The following SPHKAP variants were observed in gnomAD, a reference collection of about 807,000 sequenced individuals.
The protein encoded by SPHKAP is A-kinase anchor protein SPHKAP.
SPHKAP carries 67 observed loss-of-function variants against 137.5 expected under a neutral mutation model. That is an observed-to-expected ratio of 0.49 (90% CI 0.40 to 0.60). The LOEUF (loss-of-function observed/expected upper bound fraction) is 0.60. SPHKAP is among the 20% of genes least tolerant of loss of function. The probability of loss-of-function intolerance (pLI) is 0.00; values close to 1 mark genes in which losing one functional copy is unlikely to be tolerated. For synonymous variants in SPHKAP, 813 were observed against 785.3 expected (o/e 1.04, Z -0.59); for missense variants, 2,097 against 2,069.3 (o/e 1.01, Z -0.26).
chr2:228,112,985 A>G (rs1052889291), intron 2 of SPHKAP, among the ~76,000 whole-genome samples: 1 of 152,124 alleles, frequency 6.6e-6, no homozygotes, highest in Admixed American at 6.6e-5. Flanking sequence ...TCTTTGCTTT[A>G]GAAGAAACGG....
chr2:228,148,000 A>T (rs776456302), intron 1 of SPHKAP, among the ~76,000 whole-genome samples: 6 of 152,188 alleles, frequency 3.9e-5, no homozygotes, highest in Non-Finnish European at 7.3e-5. Context: ...ACCTAGACGA[A>T]ACTGACTCCG....
chr2:228,098,817 T>A (rs1353870666), intron 3 of SPHKAP, among the ~76,000 whole-genome samples: 2 of 152,138 alleles, frequency 1.3e-5, no homozygotes, highest in Non-Finnish European at 2.9e-5. Context: ...TAATGGGGTT[T>A]TTTTTGCTTG....
At position 228,070,002 on chromosome 2, in the gene SPHKAP, C is replaced by T. The variant is rs184710120; in HGVS notation, c.246+38830G>A. Among the ~76,000 whole-genome samples, 37 of 152,236 alleles carry T rather than the reference C, an allele frequency of 2.4e-4. No homozygotes were observed. The South Asian group carries it at 5.2e-3, about 21-fold the overall frequency. ...GGCAAGCTTAGGTCAGATGCCTATG[C>T]GCTAGCTGGAAAAGGGGGACTTATC... On this transcript the variant is annotated intron_variant, in intron 3 of 11. Transcript: ENST00000392056.
At chr2:228,146,521 G>A (rs994469140) in intron 1 of SPHKAP, among the ~76,000 whole-genome samples, 1 of 152,066 alleles carries the variant, frequency 6.6e-6, no homozygotes, top group East Asian at 1.9e-4. Flanking sequence ...CATCACCCAG[G>A]TATTAAGCCC....
At chr2:228,001,377 A>T (rs1291957633) in intron 7 of SPHKAP, among the ~76,000 whole-genome samples, 1 of 143,484 alleles carries the variant, frequency 7.0e-6, no homozygotes, top group East Asian at 2.0e-4. Context: ...ACACATAAAT[A>T]TATATACACA....
At chr2:228,025,341 G>C in intron 5 of SPHKAP, 53 bp downstream of exon 5, 1 of 1,601,568 alleles carries the variant, frequency 6.2e-7, no homozygotes, top group Non-Finnish European at 8.5e-7. Flanking sequence ...ACTGATCTGT[G>C]CTGAGCTAAC....
chr2:228,066,840 G>C (rs1696841145), intron 3 of SPHKAP, among the ~76,000 whole-genome samples: 1 of 152,150 alleles, frequency 6.6e-6, no homozygotes, highest in Non-Finnish European at 1.5e-5. Context: ...TTTGCCTCTG[G>C]TTTTTAGCAT....
At chr2:228,013,148 A>G (rs1262263080) in intron 7 of SPHKAP, among the ~76,000 whole-genome samples, 4 of 152,246 alleles carry the variant, frequency 2.6e-5, no homozygotes, top group Non-Finnish European at 5.9e-5. Context: ...AAATCCCATA[A>G]CATCTCTGAG....
intron 7 of SPHKAP, among the ~76,000 whole-genome samples, chr2:228,004,081 G>T (rs1195429648): frequency 6.6e-6 from 1 of 152,208 alleles, no homozygotes; most frequent in Admixed American, 6.5e-5. Context: ...CTCATAAAAT[G>T]AGTTAGGGAG....
rs1694761008 is a variant in SPHKAP at position 228,019,713 on chromosome 2, TAGG to T, written c.1138_1140del (p.Pro380del). The T allele has an allele frequency of 3.1e-6, 5 of 1,614,102 alleles. No individual in the cohort carries two copies. The highest frequency in any genetic ancestry group is 4.2e-6 in the Non-Finnish European group (5 of 1,180,036). ...CCAGTGGTGACTTCTCCATCTTGTC[TAGG>T]AGGGAGAGCGTTTCTTGTGTCTTCA... On this transcript the variant is annotated inframe_deletion, in exon 7 of 12. Coordinates refer to ENST00000392056, the MANE Select transcript of SPHKAP (RefSeq NM_001142644.2).
chr2:228,155,032 A>T (rs867061773), intron 1 of SPHKAP, among the ~76,000 whole-genome samples: 1 of 152,274 alleles, frequency 6.6e-6, no homozygotes, highest in Middle Eastern at 3.4e-3. Context: ...GTGTTTAATT[A>T]TACTTTTTCA....
In SPHKAP at chr2:228,017,830, G is replaced by C. The variant is rs200492792; in HGVS notation, c.3024C>G (p.Asp1008Glu). ...PRLSEIKRKT[D>E]EHPELKEKLM... ...GCTTTTCTTTAAGCTCAGGGTGCTC[G>C]TCCGTCTTCCTCTTGATCTCACTGA... Residue 1008 changes from aspartate (D) to glutamate (E), a missense_variant, in exon 7 of 12, where the codon GAC becomes GAG. Transcript: ENST00000392056. 2 of 1,614,074 alleles carry C rather than the reference G, an allele frequency of 1.2e-6. No individual in the cohort carries two copies. Among genetic ancestry groups the C allele is most frequent in the Admixed American group, 1.7e-5 (1 of 60,016 alleles).
intron 3 of SPHKAP, among the ~76,000 whole-genome samples, chr2:228,029,939 G>T (rs987278442): frequency 6.6e-6 from 1 of 152,100 alleles, no homozygotes; most frequent in Non-Finnish European, 1.5e-5. Flanking sequence ...AGAGAGCAAA[G>T]AAAGGCCTCT....
chr2:228,095,988 T>C lies in SPHKAP; in HGVS notation c.246+12844A>G, dbSNP rs540331128. On this transcript the variant is annotated intron_variant, in intron 3 of 11. Transcript: ENST00000392056. ...AATCTGAATTTAAAAATTTGGTGTG[T>C]CTCTCACTGAATTGTCCTGAAGGAG... 4.9e-4 allele frequency among the ~76,000 whole-genome samples: 74 copies of C among 152,324 alleles called. 1 individual carries two copies. Among genetic ancestry groups the C allele is most frequent in the African/African-American group, 1.7e-3 (69 of 41,574 alleles).
At chr2:228,156,914 A>G (rs1428981908) in intron 1 of SPHKAP, among the ~76,000 whole-genome samples, 1 of 151,952 alleles carries the variant, frequency 6.6e-6, no homozygotes, top group African/African-American at 2.4e-5. Context: ...AGTCAATTAA[A>G]CCTCTTTCCT....
chr2:228,122,786 G>A (rs1244936720), intron 2 of SPHKAP, among the ~76,000 whole-genome samples: 2 of 152,168 alleles, frequency 1.3e-5, no homozygotes, highest in East Asian at 1.9e-4. Context: ...GTGGCTCAGG[G>A]CATACAGAGG....
chr2:228,077,002 C>A (rs1225740515), intron 3 of SPHKAP, among the ~76,000 whole-genome samples: 1 of 152,182 alleles, frequency 6.6e-6, no homozygotes. Flanking sequence ...CCCAGCTGCT[C>A]TAGCTGTAGC....
At chr2:228,152,899 A>G (rs1476723868) in intron 1 of SPHKAP, among the ~76,000 whole-genome samples, 4 of 152,154 alleles carry the variant, frequency 2.6e-5, no homozygotes, top group Non-Finnish European at 5.9e-5. Context: ...TGTAGCTCCC[A>G]TAATTCCCAT....
intron 8 of SPHKAP, among the ~76,000 whole-genome samples, chr2:227,995,184 G>A (rs1559337057): frequency 1.3e-5 from 2 of 152,210 alleles, no homozygotes; most frequent in African/African-American, 2.4e-5. Context: ...CAGAGACAGA[G>A]TATCAAACAC....
Sources: allele counts gnomAD v4.1 joint callset (sites outside exome capture counted in the v4.1 genomes callset), GRCh38; gene constraint gnomAD v4.1.1; transcripts MANE v1.5; gene names NCBI Gene and HGNC (gene_info 2026-07-23, HGNC 2026-07-21).